The following TMPRSS12 variants were observed in gnomAD, a reference collection of about 807,000 sequenced individuals.
TMPRSS12 encodes transmembrane protease serine 12.
A neutral mutation model predicts 26.0 loss-of-function variants in TMPRSS12; 25 were observed. That is an observed-to-expected ratio of 0.96 (90% CI 0.70 to 1.34). The LOEUF (loss-of-function observed/expected upper bound fraction) is 1.34. TMPRSS12 is among the 40% of genes most tolerant of loss of function. The pLI is 0.00. For synonymous variants in TMPRSS12, 150 were observed against 161.7 expected (o/e 0.93, Z 0.55); for missense variants, 441 against 440.1 (o/e 1.00, Z -0.02).
rs189366605 is a variant in TMPRSS12, at chr12:50,858,506, A to G, written c.384-279A>G. ...AAACAGCTAGTTGCCCCAATACCACATATTGAATAATTCATTCTTTTGTCC... is the reference window on the plus strand; with the variant it reads ...AAACAGCTAGTTGCCCCAATACCACGTATTGAATAATTCATTCTTTTGTCC... On this transcript the variant is annotated intron_variant, in intron 2 of 4. Coordinates refer to ENST00000398458, the MANE Select transcript of TMPRSS12 (RefSeq NM_182559.3). Among the ~76,000 whole-genome samples, 326 of 152,334 alleles carry G rather than the reference A, an allele frequency of 2.1e-3. 5 individuals carry two copies. The highest frequency in any genetic ancestry group is 7.5e-3 in the African/African-American group (312 of 41,588).
chr12:50,860,578 G>A (rs964674605), intron 3 of TMPRSS12, among the ~76,000 whole-genome samples: 2 of 152,050 alleles, frequency 1.3e-5, no homozygotes, highest in Non-Finnish European at 2.9e-5. Flanking sequence ...ACCACGCCCA[G>A]CTTTTTAAAA....
chr12:50,863,168 A>G (rs1937954684), intron 3 of TMPRSS12, among the ~76,000 whole-genome samples: 1 of 152,064 alleles, frequency 6.6e-6, no homozygotes. Flanking sequence ...AAGACCCTGT[A>G]TCCAGACAAA....
At chr12:50,857,909 A>G (rs1937896406) in intron 2 of TMPRSS12, among the ~76,000 whole-genome samples, 2 of 152,100 alleles carry the variant, frequency 1.3e-5, no homozygotes, top group African/African-American at 4.8e-5. Flanking sequence ...GCTCACTGCA[A>G]GCCCCGCCTC....
intron 3 of TMPRSS12, among the ~76,000 whole-genome samples, chr12:50,864,937 G>A (rs1937976955): frequency 6.6e-6 from 1 of 152,114 alleles, no homozygotes; most frequent in African/African-American, 2.4e-5. Flanking sequence ...GGGATTACAG[G>A]TATGAGCCAC....
chr12:50,863,246 T>TA (rs1251497599), intron 3 of TMPRSS12, among the ~76,000 whole-genome samples: 2 of 151,994 alleles, frequency 1.3e-5, no homozygotes, highest in Admixed American at 1.3e-4. Context: ...AAAGTAGACT[T>TA]ACAGCAGAGA....
intron 3 of TMPRSS12, among the ~76,000 whole-genome samples, chr12:50,866,963 G>A (rs1440539715): frequency 6.6e-6 from 1 of 152,128 alleles, no homozygotes; most frequent in Admixed American, 6.6e-5. Flanking sequence ...ACACTCAATG[G>A]ATAAAAGAAT....
chr12:50,874,572 T>C (rs1456835307), intron 3 of TMPRSS12, among the ~76,000 whole-genome samples: 7 of 152,252 alleles, frequency 4.6e-5, no homozygotes, highest in Admixed American at 3.9e-4. Flanking sequence ...GCCATAGCAA[T>C]TAGGCAAGAG....
At chr12:50,876,045 A>T (rs929457166) in intron 3 of TMPRSS12, among the ~76,000 whole-genome samples, 2 of 152,244 alleles carry the variant, frequency 1.3e-5, no homozygotes, top group African/African-American at 4.8e-5. Context: ...AAGAACTTAA[A>T]CAATTGAACA....
At chr12:50,864,835 G>A (rs1937975409) in intron 3 of TMPRSS12, among the ~76,000 whole-genome samples, 3 of 151,784 alleles carry the variant, frequency 2.0e-5, no homozygotes, top group African/African-American at 7.3e-5. Flanking sequence ...TTTTTTGTGT[G>A]TTTTTAGTAG....
At chr12:50,847,057 C>CTTTTTTTTT (rs547352999) in intron 2 of TMPRSS12, among the ~76,000 whole-genome samples, 1 of 109,922 alleles carries the variant, frequency 9.1e-6, no homozygotes, top group Admixed American at 1.1e-4. Flanking sequence ...AGTCTAAAAA[C>CTTTTTTTTT]TTTTTTTTTT....
chr12:50,849,944 AT>A (rs1249113166), intron 2 of TMPRSS12, among the ~76,000 whole-genome samples: 2 of 145,312 alleles, frequency 1.4e-5, no homozygotes, highest in Non-Finnish European at 3.0e-5. Flanking sequence ...CCACTGATCT[AT>A]TTTCTGTCTT....
At chr12:50,875,170 A>G (rs1193189013) in intron 3 of TMPRSS12, among the ~76,000 whole-genome samples, 2 of 152,126 alleles carry the variant, frequency 1.3e-5, no homozygotes. Flanking sequence ...GAAGCATCAC[A>G]TTACCCAACT....
intron 2 of TMPRSS12, among the ~76,000 whole-genome samples, chr12:50,846,354 G>A (rs561747534): frequency 8.5e-5 from 13 of 152,096 alleles, no homozygotes; most frequent in African/African-American, 1.9e-4. Context: ...ATTGTTTTAC[G>A]TGCAGCTATC....
chr12:50,869,211 G>A (rs76239356), intron 3 of TMPRSS12, among the ~76,000 whole-genome samples: 4 of 151,682 alleles, frequency 2.6e-5, no homozygotes, highest in Non-Finnish European at 5.9e-5. Context: ...GAAACAAAAA[G>A]CTGGTTCTTT....
At chr12:50,845,943 G>A (rs1937762756) in intron 2 of TMPRSS12, among the ~76,000 whole-genome samples, 3 of 152,090 alleles carry the variant, frequency 2.0e-5, no homozygotes, top group African/African-American at 7.2e-5. Flanking sequence ...TTCTTTGGAG[G>A]AATGTCTATT....
chr12:50,881,496 G>A (rs1231275529), intron 3 of TMPRSS12, among the ~76,000 whole-genome samples: 1 of 152,006 alleles, frequency 6.6e-6, no homozygotes, highest in East Asian at 1.9e-4. Context: ...AAAAGGGTAA[G>A]CTTTTTAACA....
intron 3 of TMPRSS12, among the ~76,000 whole-genome samples, chr12:50,882,031 A>C (rs369082803): frequency 8.8e-6 from 1 of 113,800 alleles, no homozygotes; most frequent in African/African-American, 3.3e-5. Context: ...ATATATATAT[A>C]TATATATATA....
chr12:50,861,999 G>A (rs1937940740), intron 3 of TMPRSS12, among the ~76,000 whole-genome samples: 1 of 152,034 alleles, frequency 6.6e-6, no homozygotes, highest in South Asian at 2.1e-4. Flanking sequence ...TAGTAGAGAC[G>A]GGGTTTCACC....
intron 3 of TMPRSS12, among the ~76,000 whole-genome samples, chr12:50,879,976 C>T (rs938344728): frequency 6.6e-6 from 1 of 151,722 alleles, no homozygotes; most frequent in African/African-American, 2.4e-5. Context: ...GTCACAAAAA[C>T]ATTAAAAAAT....
Sources: gnomAD v4.1 joint callset for allele counts (sites outside exome capture counted in the v4.1 genomes callset) on GRCh38, gnomAD v4.1.1 for gene constraint, MANE v1.5 for transcripts, NCBI Gene and HGNC (gene_info 2026-07-23, HGNC 2026-07-21) for gene names.